Variants in CTNNA2 observed in about 807,000 individuals in gnomAD.
CTNNA2 encodes the protein catenin alpha 2.
A neutral mutation model predicts 101.0 loss-of-function variants in CTNNA2; 42 were observed. The observed-to-expected ratio is 0.42, with a 90% CI of 0.32 to 0.54. The LOEUF is 0.54. CTNNA2 is among the 20% of genes least tolerant of loss of function. The pLI is 0.14. For missense variants in CTNNA2, 871 were observed against 1,223.1 expected (o/e 0.71, Z 4.29); for synonymous variants, 450 against 456.4 (o/e 0.99, Z 0.18).
intron 7 of CTNNA2, among the ~76,000 whole-genome samples, chr2:80,045,238 T>A (rs1472049150): frequency 6.6e-6 from 1 of 152,196 alleles, no homozygotes; most frequent in African/African-American, 2.4e-5. Context: ...GCAGTCCTAA[T>A]TGTACCCAAG....
At chr2:79,708,262 T>A (rs1432528916) in intron 2 of CTNNA2, among the ~76,000 whole-genome samples, 1 of 152,228 alleles carries the variant, frequency 6.6e-6, no homozygotes, top group African/African-American at 2.4e-5. Flanking sequence ...AATATTCCTA[T>A]GTTGGCTTTT....
intron 2 of CTNNA2, among the ~76,000 whole-genome samples, chr2:79,296,572 T>A (rs1392287443): frequency 1.3e-5 from 2 of 152,160 alleles, no homozygotes. Context: ...TCAGGCACTG[T>A]AGTAGGCACT....
At chr2:80,210,548 C>CT (rs1454870010) in intron 7 of CTNNA2, among the ~76,000 whole-genome samples, 2 of 152,214 alleles carry the variant, frequency 1.3e-5, no homozygotes, top group Non-Finnish European at 2.9e-5. Flanking sequence ...TGAACTCATC[C>CT]TTTTTTATGG....
At chr2:79,593,560 A>G (rs914324233) in intron 1 of CTNNA2, among the ~76,000 whole-genome samples, 1 of 151,708 alleles carries the variant, frequency 6.6e-6, no homozygotes, top group Non-Finnish European at 1.5e-5. Context: ...CTTCCAGCCT[A>G]CCTCTAGGCT....
chr2:79,639,169 G>T (rs565370372), intron 1 of CTNNA2, among the ~76,000 whole-genome samples: 1 of 152,282 alleles, frequency 6.6e-6, no homozygotes, highest in African/African-American at 2.4e-5. Flanking sequence ...CTCCAGCAGA[G>T]CTCACTCTGT....
intron 15 of CTNNA2, among the ~76,000 whole-genome samples, chr2:80,600,339 G>A (rs1250596473): frequency 6.6e-6 from 1 of 151,842 alleles, no homozygotes; most frequent in Non-Finnish European, 1.5e-5. Context: ...AGCACAAACA[G>A]TAGTGTAAAT....
chr2:79,433,563 G>A (rs958175471), intron 4 of CTNNA2, among the ~76,000 whole-genome samples: 1 of 143,282 alleles, frequency 7.0e-6, no homozygotes, highest in Non-Finnish European at 1.5e-5. Flanking sequence ...CTTGTGGCTT[G>A]TTCCAATCCT....
At chr2:80,241,587 ATATCTATCTATCTATCTATC>A in intron 7 of CTNNA2, among the ~76,000 whole-genome samples, 1 of 148,412 alleles carries the variant, frequency 6.7e-6, no homozygotes, top group African/African-American at 2.5e-5. Flanking sequence ...TGCATCTATT[ATATCTATCTATCTATCTATC>A]TATCTATCTA....
At chr2:80,147,474 T>C (rs904912367) in intron 7 of CTNNA2, among the ~76,000 whole-genome samples, 7 of 152,084 alleles carry the variant, frequency 4.6e-5, no homozygotes, top group African/African-American at 1.4e-4. Flanking sequence ...GGAACTATGG[T>C]CCTAGCTGAG....
At chr2:79,346,386 C>A (rs1360505272) in intron 3 of CTNNA2, among the ~76,000 whole-genome samples, 1 of 152,138 alleles carries the variant, frequency 6.6e-6, no homozygotes, top group Non-Finnish European at 1.5e-5. Context: ...CATTCTTGAC[C>A]TACAATTTAA....
intron 4 of CTNNA2, among the ~76,000 whole-genome samples, chr2:79,476,456 C>T (rs1227495818): frequency 6.6e-6 from 1 of 152,130 alleles, no homozygotes; most frequent in Admixed American, 6.5e-5. Context: ...TTAAAGCAGG[C>T]TTTAGCCATT....
At chr2:79,389,267 G>A (rs948920950) in intron 4 of CTNNA2, among the ~76,000 whole-genome samples, 2 of 152,064 alleles carry the variant, frequency 1.3e-5, no homozygotes, top group African/African-American at 4.8e-5. Flanking sequence ...CAATCATATG[G>A]TTAAAATAAA....
rs527362322 is a variant in CTNNA2, at chr2:79,964,356, C to T, written c.1056+54559C>T. On this transcript the variant is annotated intron_variant, in intron 7 of 18. Coordinates refer to ENST00000402739, the MANE Select transcript of CTNNA2 (RefSeq NM_001282597.3). ...GTTTAAGGCACTTACTGATGATCTT[C>T]ACAATATTGCTTAAATTTATGAATG... 4.0e-5 allele frequency among the ~76,000 whole-genome samples: 6 copies of T among 151,836 alleles called. 1 individual carries two copies. The highest frequency in any genetic ancestry group is 1.4e-4 in the African/African-American group (6 of 41,400).
At chr2:79,747,103 T>A (rs1250903002) in intron 3 of CTNNA2, among the ~76,000 whole-genome samples, 1 of 152,184 alleles carries the variant, frequency 6.6e-6, no homozygotes, top group Non-Finnish European at 1.5e-5. Flanking sequence ...TTCTTCCTCA[T>A]CCTCTCCTTC....
intron 7 of CTNNA2, among the ~76,000 whole-genome samples, chr2:79,956,843 G>GTTTTTTGTTTTTT (rs1553413397): frequency 6.1e-5 from 6 of 98,934 alleles, no homozygotes; most frequent in African/African-American, 2.8e-4. Flanking sequence ...ATACGTGTGG[G>GTTTTTTGTTTTTT]TTTTTTTTTT....
intron 2 of CTNNA2, among the ~76,000 whole-genome samples, chr2:79,658,971 A>G (rs1681817641): frequency 6.6e-6 from 1 of 152,072 alleles, no homozygotes; most frequent in Admixed American, 6.6e-5. Flanking sequence ...AAAACATTTT[A>G]AAAGTTAAAA....
At chr2:79,878,133 A>G (rs368494665) in intron 6 of CTNNA2, among the ~76,000 whole-genome samples, 189 of 152,322 alleles carry the variant, frequency 1.2e-3, no homozygotes, top group Middle Eastern at 0.01. Context: ...ACGTCCCTGC[A>G]AAGGACATGA....
intron 7 of CTNNA2, among the ~76,000 whole-genome samples, chr2:79,973,806 A>T (rs73938440): frequency 6.6e-6 from 1 of 152,190 alleles, no homozygotes; most frequent in African/African-American, 2.4e-5. Context: ...CAAGGGCGAA[A>T]CCAGTGTAAG....
intron 4 of CTNNA2, among the ~76,000 whole-genome samples, chr2:79,867,171 A>G (rs1021028549): frequency 2.0e-5 from 3 of 152,204 alleles, no homozygotes; most frequent in Non-Finnish European, 4.4e-5. Context: ...CATAGGAGTC[A>G]CTTTCCTTTC....
Sources: allele counts gnomAD v4.1 joint callset (sites outside exome capture counted in the v4.1 genomes callset), GRCh38; gene constraint gnomAD v4.1.1; transcripts MANE v1.5; gene names NCBI Gene and HGNC (gene_info 2026-07-23, HGNC 2026-07-21).